PDE1B: variants seen among roughly 807,000 people sequenced by gnomAD.
PDE1B encodes dual specificity calcium/calmodulin-dependent 3',5'-cyclic nucleotide phosphodiesterase 1B.
PDE1B carries 13 observed loss-of-function variants against 66.7 expected under a neutral mutation model. That is an observed-to-expected ratio of 0.19 (90% CI 0.13 to 0.31). The LOEUF (loss-of-function observed/expected upper bound fraction) is 0.31, where lower values mean the gene tolerates loss of function less well. PDE1B is among the 10% of genes least tolerant of loss of function. The pLI, the probability that PDE1B is intolerant of heterozygous loss-of-function variation, is 1.00. For missense variants in PDE1B, 485 were observed against 682.3 expected, an observed-to-expected ratio of 0.71 and a Z score of 3.22; for synonymous variants, 230 against 253.9, an observed-to-expected ratio of 0.91 and a Z score of 0.90.
In PDE1B at chr12:54,579,190, T is replaced by C. The variant is rs1957824110; in HGVS notation, c.*1348T>C. ...GCATGTGACTCACCCCTGCCCTTGGTTTCCCAGACCCCTGCTATAGCCAGA... is the reference window on the plus strand; with the variant it reads ...GCATGTGACTCACCCCTGCCCTTGGCTTCCCAGACCCCTGCTATAGCCAGA... On this transcript the variant is annotated 3_prime_UTR_variant, in exon 16 of 16. Coordinates refer to ENST00000243052, the MANE Select transcript of PDE1B (RefSeq NM_000924.4). 1 of 962,188 alleles carries C rather than the reference T, an allele frequency of 1.0e-6. No homozygotes were observed. 59.6% of individuals were successfully genotyped at this position (962,188 alleles called of 1,614,324 possible). A position where few individuals can be genotyped will look rare whatever the true frequency, so the allele number is the denominator to read the frequency against.
intron 2 of PDE1B, among the ~76,000 whole-genome samples, chr12:54,565,436 C>T (rs771238591): frequency 9.9e-5 from 15 of 152,204 alleles, no homozygotes; most frequent in Non-Finnish European, 1.8e-4. Context: ...GACACTGGCT[C>T]ATAGCCCCTT....
chr12:54,577,492 A>C (rs1312837018), intron 15 of PDE1B, 147 bp downstream of exon 15: 1 of 1,595,066 alleles, frequency 6.3e-7, no homozygotes, highest in Non-Finnish European at 8.5e-7. Flanking sequence ...AATGGAGCCA[A>C]AGTGTGGGTG....
chr12:54,576,097 C>G lies in PDE1B; in HGVS notation c.1373C>G (p.Pro458Arg). 6.3e-7 allele frequency: 1 copy of G among 1,594,456 alleles called. No individual in the cohort carries two copies. The highest frequency in any genetic ancestry group is 8.6e-7 in the Non-Finnish European group (1 of 1,162,128). ...GAGGACTCCAAGTCTAAAAACCAGC[C>G]CAGGTGAGGGTGGCTGGGGTAGCCA... is the stretch of plus-strand genomic sequence containing the variant. The part of the protein sequence containing the change: ...ADEDSKSKNQ[P>R]SFQWRQPSLD... Residue 458 changes from proline to arginine, a missense_variant, in exon 13 of 16, where the codon CCC becomes CGC. Pro to Arg is a moderately radical substitution (Grantham distance 103, BLOSUM62 -2). This residue lies in a region of PDE1B where 126 missense variants were observed against 133.8 expected (regional missense o/e 0.94). Transcript: ENST00000243052.
rs1216504609 is a variant in PDE1B at position 54,575,671 on chromosome 12, G to C, written c.1267+39G>C. The C allele has an allele frequency of 7.1e-7, 1 of 1,402,272 alleles. No homozygotes were observed. Among genetic ancestry groups the C allele is most frequent in the Non-Finnish European group, 1.0e-6 (1 of 992,598 alleles). The allele number at this position is 1,402,272 out of a possible 1,614,324, so 86.9% of individuals were successfully genotyped here. A position where few individuals can be genotyped will look rare whatever the true frequency, so the allele number is the denominator to read the frequency against. On this transcript the variant is annotated intron_variant, in intron 12 of 15. Coordinates refer to ENST00000243052, the MANE Select transcript of PDE1B (RefSeq NM_000924.4). The surrounding 1 kb of genome is among the most constrained non-coding windows in gnomAD (Gnocchi z 4.0). Reference sequence around the variant, plus strand: ...CCTGCAGGAAGGGGAGGACTGGGAGGGGGAAAAGATGCTGCCTGGGTCAGG... The same window carrying C: ...CCTGCAGGAAGGGGAGGACTGGGAGCGGGAAAAGATGCTGCCTGGGTCAGG...
At position 54,576,540 on chromosome 12, in the gene PDE1B, C is replaced by T. The variant is rs370683129; in HGVS notation, c.1377-31C>T. ...GGTTCTGGAGTGGGCTGGGGCTTAC[C>T]TCTTGCGGCTTTTGGGGGTTCTGCT... On this transcript the variant is annotated intron_variant, in intron 13 of 15. Transcript: ENST00000243052. The T allele has an allele frequency of 3.3e-5, 54 of 1,613,732 alleles. No individual in the cohort carries two copies. The African/African-American group carries it at 5.3e-4, about 16-fold the overall frequency.
intron 2 of PDE1B, among the ~76,000 whole-genome samples, chr12:54,557,543 A>G (rs566521489): frequency 8.5e-5 from 13 of 152,352 alleles, no homozygotes; most frequent in African/African-American, 2.6e-4. Context: ...AAGGCTACAG[A>G]GGAGGAACAG....
At position 54,549,931 on chromosome 12, in the gene PDE1B, C is replaced by T; in HGVS notation, c.59C>T (p.Pro20Leu). 1 of 1,614,162 alleles carries T rather than the reference C, an allele frequency of 6.2e-7. No homozygotes were observed. The highest frequency in any genetic ancestry group is 8.5e-7 in the Non-Finnish European group (1 of 1,180,020). The change falls in exon 2 of 16, where the codon CCC becomes CTC. Residue 20 changes from proline (P) to leucine (L), a missense_variant. Pro to Leu is a moderately conservative substitution (Grantham distance 98). Around this residue, in one of 4 missense-constraint regions of PDE1B, gnomAD observed 74 missense variants for 78.7 expected, o/e 0.94. Coordinates refer to ENST00000243052, the MANE Select transcript of PDE1B (RefSeq NM_000924.4). ...CTGGAGGAGTCGGATTGCCCGTCAC[C>T]CCTGGAGCTGAAGTCAGCCCCCAGC... ...EMLEESDCPS[P>L]LELKSAPSKK...
In PDE1B at chr12:54,573,422, C is replaced by T; in HGVS notation, c.904C>T (p.Arg302Ter). 1.9e-6 allele frequency: 3 copies of T among 1,613,938 alleles called. No homozygotes were observed. Among genetic ancestry groups the T allele is most frequent in the Non-Finnish European group, 2.5e-6 (3 of 1,179,850 alleles). Residue 302 changes from arginine (R) to a stop codon, truncating the protein, a stop_gained, in exon 9 of 16, where the codon CGA becomes TGA. Transcript: ENST00000243052. LOFTEE classifies it high-confidence loss of function. This position sits in a 1 kb window ranked among gnomAD's most constrained non-coding sequence, Gnocchi z 5.2. Reference sequence around the variant, plus strand: ...GAATCACCACATCAGCTCTGTTTTCCGATTGATGCAGGATGATGAGATGAA... The same window carrying T: ...GAATCACCACATCAGCTCTGTTTTCTGATTGATGCAGGATGATGAGATGAA... ...LENHHISSVF[R>*]LMQDDEMNIF...
In PDE1B at chr12:54,575,971, G is replaced by T; in HGVS notation, c.1268-21G>T. 6.6e-7 allele frequency: 1 copy of T among 1,508,428 alleles called. No individual in the cohort carries two copies. The highest frequency in any genetic ancestry group is 1.1e-5 in the South Asian group (1 of 88,958). 93.4% of individuals were successfully genotyped at this position (1,508,428 alleles called of 1,614,324 possible). ...CCAGATAATAGTAAGACATCTCTAC[G>T]GCATTGCTCCTCCACTGCAGGGTTC... On this transcript the variant is annotated intron_variant, in intron 12 of 15. Transcript: ENST00000243052. The surrounding 1 kb of genome is among the most constrained non-coding windows in gnomAD (Gnocchi z 4.0).
chr12:54,576,067 C>T lies in PDE1B; in HGVS notation c.1343C>T (p.Ala448Val), dbSNP rs147477377. The change falls in exon 13 of 16, where the codon GCG becomes GTG. Residue 448 changes from alanine (A) to valine (V), a missense_variant. Transcript: ENST00000243052. Reference protein sequence around the residue: ...DVAEKSVQPLADEDSKSKNQP... With the variant: ...DVAEKSVQPLVDEDSKSKNQP... Reference sequence around the variant, plus strand: ...GCAGAGAAGAGTGTTCAGCCCCTGGCGGATGAGGACTCCAAGTCTAAAAAC... The same window carrying T: ...GCAGAGAAGAGTGTTCAGCCCCTGGTGGATGAGGACTCCAAGTCTAAAAAC... 2,374 of 1,612,916 alleles carry T rather than the reference C, an allele frequency of 1.5e-3. 6 individuals are homozygous for T. The highest frequency in any genetic ancestry group is 1.8e-3 in the South Asian group (167 of 91,048).
intron 2 of PDE1B, among the ~76,000 whole-genome samples, chr12:54,565,667 ACTTTCCCTT>A: frequency 6.6e-6 from 1 of 152,190 alleles, no homozygotes; most frequent in East Asian, 1.9e-4. Context: ...CTTCTTTGCC[ACTTTCCCTT>A]CTGTCCCATT....
chr12:54,569,896 C>A lies in PDE1B; in HGVS notation c.477+284C>A, dbSNP rs1957586876. Among the ~76,000 whole-genome samples, 1 of 152,068 alleles carries A rather than the reference C, an allele frequency of 6.6e-6. No homozygotes were observed. The highest frequency in any genetic ancestry group is 2.1e-4 in the South Asian group (1 of 4,822). ...TGTAGTTTTAGTAGAGATGGGGTTTCACCATGTTGGCCAGGCTGGTCTCGA... is the reference window on the plus strand; with the variant it reads ...TGTAGTTTTAGTAGAGATGGGGTTTAACCATGTTGGCCAGGCTGGTCTCGA... On this transcript the variant is annotated intron_variant, in intron 5 of 15. Coordinates refer to ENST00000243052, the MANE Select transcript of PDE1B (RefSeq NM_000924.4). This position sits in a 1 kb window ranked among gnomAD's most constrained non-coding sequence, Gnocchi z 4.4.
chr12:54,566,032 A>T (rs925755786), intron 2 of PDE1B, among the ~76,000 whole-genome samples: 12 of 152,290 alleles, frequency 7.9e-5, no homozygotes, highest in African/African-American at 2.4e-4. Context: ...GAGAGAAAGG[A>T]ATATTTAACT....
Position 54,572,620 on chromosome 12 carries a change from T to A in PDE1B, c.614T>A (p.Met205Lys), listed in dbSNP as rs768971074. ...CCGCAGATTCCCACTGTGTTTTTGA[T>A]GAGTTTCCTGGATGCCTTGGAGACA... ...SRFKIPTVFL[M>K]SFLDALETGY... The change falls in exon 7 of 16, where the codon ATG becomes AAG. Residue 205 changes from methionine to lysine, a missense_variant. By Grantham distance (95) the Met-to-Lys change is moderately conservative. Transcript: ENST00000243052. The A allele has an allele frequency of 6.2e-7, 1 of 1,612,988 alleles. No individual in the cohort carries two copies.
intron 2 of PDE1B, 106 bp downstream of exon 2, chr12:54,550,091 G>T: frequency 6.7e-7 from 1 of 1,483,414 alleles, no homozygotes; most frequent in Middle Eastern, 1.8e-4. Flanking sequence ...ATTCTCTTTG[G>T]CACAGATGTT....
chr12:54,553,352 C>T (rs1957303587), intron 2 of PDE1B, among the ~76,000 whole-genome samples: 1 of 152,222 alleles, frequency 6.6e-6, no homozygotes, highest in Non-Finnish European at 1.5e-5. Flanking sequence ...GGAACTTCCC[C>T]CTTCCTTTGG....
At chr12:54,567,858 A>ATTT (rs149465017) in intron 3 of PDE1B, among the ~76,000 whole-genome samples, 1 of 144,572 alleles carries the variant, frequency 6.9e-6, no homozygotes, top group African/African-American at 2.5e-5. Context: ...ATATATATAT[A>ATTT]TATATTTTTT....
rs575355066 is a variant in PDE1B at position 54,570,621 on chromosome 12, T to C, written c.594+264T>C. On this transcript the variant is annotated intron_variant, in intron 6 of 15. Coordinates refer to ENST00000243052, the MANE Select transcript of PDE1B (RefSeq NM_000924.4). ...TCTGCTCTCTCCCGCTTTGCTTTTTTCCCCCAACTTGTCCTCTCTAGGCTG... is the reference window on the plus strand; with the variant it reads ...TCTGCTCTCTCCCGCTTTGCTTTTTCCCCCCAACTTGTCCTCTCTAGGCTG... 2.6e-5 allele frequency: 11 copies of C among 427,560 alleles called. No homozygotes were observed. The East Asian group carries it at 3.8e-4, about 15-fold the overall frequency. 26.5% of individuals were successfully genotyped at this position (427,560 alleles called of 1,614,324 possible).
chr12:54,555,989 G>A (rs753841871), intron 2 of PDE1B, among the ~76,000 whole-genome samples: 1 of 152,128 alleles, frequency 6.6e-6, no homozygotes, highest in African/African-American at 2.4e-5. Context: ...GCTTGCTATA[G>A]GTGCCCTCTG....
Sources: gnomAD v4.1 joint callset for allele counts (sites outside exome capture counted in the v4.1 genomes callset) on GRCh38, gnomAD v4.1.1 for gene constraint, gnomAD v4.1.1 regional missense constraint, Gnocchi (gnomAD v3.1) non-coding constraint, MANE v1.5 for transcripts, NCBI Gene and HGNC (gene_info 2026-07-23, HGNC 2026-07-21) for gene names.